The following NTRK2 variants were observed in gnomAD, a reference collection of about 807,000 sequenced individuals.
The protein encoded by NTRK2 is neurotrophic receptor tyrosine kinase 2.
Under a neutral mutation model 94.5 loss-of-function variants are expected in NTRK2, and 13 were observed. That is an observed-to-expected ratio of 0.14 (90% confidence interval 0.09 to 0.22). The LOEUF (loss-of-function observed/expected upper bound fraction) is 0.22. Among genes scored for constraint, NTRK2 ranks in the 10% least tolerant of loss-of-function variants. NTRK2 has a pLI of 1.00. For synonymous variants in NTRK2, 372 were observed against 407.4 expected (o/e 0.91, Z 1.05); for missense variants, 639 against 1,071.2 (o/e 0.60, Z 5.63).
intron 4 of NTRK2, 138 bp from the exon 5 acceptor site, chr9:84,707,702 AAGAG>A: frequency 1.2e-5 from 8 of 658,200 alleles, no homozygotes; most frequent in Non-Finnish European, 2.1e-5. Flanking sequence ...CTCTAAGTGA[AAGAG>A]AGAGAGATCT....
At chr9:84,999,695 C>A (rs1457231933) in intron 17 of NTRK2, among the ~76,000 whole-genome samples, 1 of 152,126 alleles carries the variant, frequency 6.6e-6, no homozygotes, top group Non-Finnish European at 1.5e-5. Flanking sequence ...AATGATCCTG[C>A]CCTAAATTCG....
At chr9:84,772,495 A>G (rs1211451176) in intron 12 of NTRK2, among the ~76,000 whole-genome samples, 1 of 152,080 alleles carries the variant, frequency 6.6e-6, no homozygotes, top group Non-Finnish European at 1.5e-5. Flanking sequence ...CAATCTGCCC[A>G]CCTCGGCCTC....
At chr9:84,793,277 G>A (rs1293903246) in intron 12 of NTRK2, among the ~76,000 whole-genome samples, 1 of 133,350 alleles carries the variant, frequency 7.5e-6, no homozygotes, top group Non-Finnish European at 1.6e-5. Context: ...TGACAAATTG[G>A]ATTAATTGAA....
intron 17 of NTRK2, among the ~76,000 whole-genome samples, chr9:85,019,944 A>T (rs950761765): frequency 2.6e-5 from 4 of 152,236 alleles, no homozygotes; most frequent in African/African-American, 7.2e-5. Context: ...CAAGGTGATC[A>T]TCTACCTAAT....
At position 85,026,271 on chromosome 9, in the gene NTRK2, A is replaced by G; in HGVS notation, c.*4834A>G. On this transcript the variant is annotated 3_prime_UTR_variant, in exon 19 of 19. Coordinates refer to ENST00000277120, the MANE Select transcript of NTRK2 (RefSeq NM_006180.6). ...CGAAATGAGAAAAGATGGGGATGTC[A>G]TTTTTTAGTCTATGCGTTTGAGGCC... 4.3e-6 allele frequency: 1 copy of G among 231,578 alleles called. No individual in the cohort carries two copies. Among genetic ancestry groups the G allele is most frequent in the Non-Finnish European group, 8.5e-6 (1 of 117,052 alleles). 14.3% of individuals were successfully genotyped at this position (231,578 alleles called of 1,614,324 possible). A position where few individuals can be genotyped will look rare whatever the true frequency, so the allele number is the denominator to read the frequency against.
chr9:84,765,474 C>T (rs564575254), intron 12 of NTRK2, among the ~76,000 whole-genome samples: 8 of 152,248 alleles, frequency 5.3e-5, no homozygotes, highest in Admixed American at 3.3e-4. Flanking sequence ...AAATCACTTG[C>T]AGCCTTTATT....
intron 14 of NTRK2, among the ~76,000 whole-genome samples, chr9:84,918,996 T>C (rs980447503): frequency 3.9e-5 from 6 of 152,150 alleles, no homozygotes; most frequent in African/African-American, 1.2e-4. Flanking sequence ...CAATCAAATC[T>C]AGACCCCTTC....
rs114607051 is a variant in NTRK2, at chr9:84,693,903, C to A, written c.213-8256C>A. 4.0e-3 allele frequency among the ~76,000 whole-genome samples: 616 copies of A among 152,346 alleles called. 7 individuals are homozygous for A. The highest frequency in any genetic ancestry group is 0.014 in the African/African-American group (568 of 41,582). On this transcript the variant is annotated intron_variant, in intron 2 of 18. Transcript: ENST00000277120. The stretch of plus-strand genomic sequence containing the variant: ...GGCTGTTCTAATAAGCTGCAGTTTT[C>A]AGAGGCATTGTGTAAGAATCTGAAG...
chr9:84,813,595 G>T, intron 12 of NTRK2: 3 of 1,065,774 alleles, frequency 2.8e-6, no homozygotes, highest in Non-Finnish European at 3.4e-6. Flanking sequence ...AATTACCTTT[G>T]CTCCTCTCCT....
At chr9:84,907,680 CTCT>C (rs1258008831) in intron 14 of NTRK2, among the ~76,000 whole-genome samples, 13 of 145,658 alleles carry the variant, frequency 8.9e-5, no homozygotes, top group East Asian at 6.3e-4. Context: ...GGAGGCATTA[CTCT>C]TCTTCTTTTT....
At chr9:84,905,264 G>C (rs1411344778) in intron 14 of NTRK2, among the ~76,000 whole-genome samples, 2 of 117,418 alleles carry the variant, frequency 1.7e-5, no homozygotes, top group African/African-American at 3.2e-5. Flanking sequence ...CTCCATGGTG[G>C]GGTTTTAGAG....
intron 14 of NTRK2, among the ~76,000 whole-genome samples, chr9:84,893,974 G>A (rs945021080): frequency 2.6e-5 from 4 of 152,130 alleles, no homozygotes; most frequent in African/African-American, 9.7e-5. Flanking sequence ...TGCCCCACGA[G>A]GCCTGTCAAA....
intron 14 of NTRK2, among the ~76,000 whole-genome samples, chr9:84,922,004 TA>T (rs2077581847): frequency 6.6e-6 from 1 of 152,194 alleles, no homozygotes; most frequent in African/African-American, 2.4e-5. Context: ...ATATTTTTCT[TA>T]AAATTAAAAA....
At chr9:84,692,636 T>C (rs1238343106) in intron 2 of NTRK2, among the ~76,000 whole-genome samples, 1 of 151,926 alleles carries the variant, frequency 6.6e-6, no homozygotes, top group Non-Finnish European at 1.5e-5. Context: ...CCTGGCTAAT[T>C]TTGTATTTTT....
At chr9:84,674,000 A>G (rs574352054) in intron 2 of NTRK2, among the ~76,000 whole-genome samples, 1 of 152,360 alleles carries the variant, frequency 6.6e-6, no homozygotes, top group East Asian at 1.9e-4. Flanking sequence ...GGAATTATGT[A>G]ACTGGCCGTT....
intron 17 of NTRK2, among the ~76,000 whole-genome samples, chr9:84,958,684 G>A (rs1057226878): frequency 6.6e-6 from 1 of 152,200 alleles, no homozygotes; most frequent in African/African-American, 2.4e-5. Flanking sequence ...GCAAGACTGG[G>A]TAGGGAAGTG....
chr9:84,904,765 T>C (rs17087837), intron 14 of NTRK2, among the ~76,000 whole-genome samples: 4,983 of 152,254 alleles, frequency 0.033, 310 homozygotes, highest in African/African-American at 0.11. Flanking sequence ...ATAGCTCACA[T>C]AAGTCTGTTT....
intron 4 of NTRK2, among the ~76,000 whole-genome samples, chr9:84,703,078 G>A (rs956547610): frequency 4.6e-5 from 7 of 152,182 alleles, no homozygotes; most frequent in African/African-American, 1.7e-4. Flanking sequence ...AAGTCCATAA[G>A]GTGTGGCTTT....
Position 84,670,515 on chromosome 9 carries a change from C to G in NTRK2, c.-234C>G, listed in dbSNP as rs1316353053. On this transcript the variant is annotated 5_prime_UTR_variant, in exon 2 of 19. Coordinates refer to ENST00000277120, the MANE Select transcript of NTRK2 (RefSeq NM_006180.6). The stretch of plus-strand genomic sequence containing the variant: ...GCCGCGGAGCTCCGAGCAGCGGTAG[C>G]GCCCCCCTGTAAAGCGGTTCGCTAT... 2 of 566,232 alleles carry G rather than the reference C, an allele frequency of 3.5e-6. No homozygotes were observed. Among genetic ancestry groups the G allele is most frequent in the East Asian group, 5.9e-5 (2 of 33,982 alleles). 35.1% of individuals were successfully genotyped at this position (566,232 alleles called of 1,614,324 possible). A position where few individuals can be genotyped will look rare whatever the true frequency, so the allele number is the denominator to read the frequency against.
Sources: allele counts gnomAD v4.1 joint callset (sites outside exome capture counted in the v4.1 genomes callset), GRCh38; gene constraint gnomAD v4.1.1; transcripts MANE v1.5; gene names NCBI Gene and HGNC (gene_info 2026-07-23, HGNC 2026-07-21).